PANK4: variants seen among roughly 807,000 people sequenced by gnomAD.
PANK4 encodes pantothenate kinase 4 (inactive).
A neutral mutation model predicts 87.9 loss-of-function variants in PANK4; 40 were observed. The ratio of observed to expected loss-of-function variants is 0.46; its 90% CI spans 0.35 to 0.59. The LOEUF (loss-of-function observed/expected upper bound fraction) is 0.59, where lower values mean the gene tolerates loss of function less well. PANK4 is among the 20% of genes least tolerant of loss of function. PANK4 has a pLI of 0.00. For missense variants in PANK4, 926 were observed against 1,072.3 expected, an observed-to-expected ratio of 0.86 and a Z score of 1.90; for synonymous variants, 524 against 467.4, an observed-to-expected ratio of 1.12 and a Z score of -1.56.
Position 2,515,843 on chromosome 1 carries a change from G to C in PANK4, c.1219-126C>G. 1.0e-6 allele frequency: 1 copy of C among 979,374 alleles called. No individual in the cohort carries two copies. The highest frequency in any genetic ancestry group is 1.5e-6 in the Non-Finnish European group (1 of 659,934). 60.7% of individuals were successfully genotyped at this position (979,374 alleles called of 1,614,324 possible). ...CTGCCTTCTTCCGCCACGTCTCTGGGCCACAGACGAGACCCCCACTGGGCC... is the reference window on the plus strand; with the variant it reads ...CTGCCTTCTTCCGCCACGTCTCTGGCCCACAGACGAGACCCCCACTGGGCC... On this transcript the variant is annotated intron_variant, in intron 9 of 18. Coordinates refer to ENST00000378466, the MANE Select transcript of PANK4 (RefSeq NM_018216.4). The surrounding 1 kb of genome is among the most constrained non-coding windows in gnomAD (Gnocchi z 5.0).
At position 2,509,112 on chromosome 1, in the gene PANK4, C is replaced by T; in HGVS notation, c.2109-52G>A. 1 of 1,425,420 alleles carries T rather than the reference C, an allele frequency of 7.0e-7. No homozygotes were observed. The highest frequency in any genetic ancestry group is 9.6e-7 in the Non-Finnish European group (1 of 1,041,244). 88.3% of individuals were successfully genotyped at this position (1,425,420 alleles called of 1,614,324 possible). A position where few individuals can be genotyped will look rare whatever the true frequency, so the allele number is the denominator to read the frequency against. ...CTGGGCAAGCAGACCCCAGACCCCA[C>T]TTCCCATACAGTGCGGCGACCAACG... On this transcript the variant is annotated intron_variant, in intron 18 of 18. Coordinates refer to ENST00000378466, the MANE Select transcript of PANK4 (RefSeq NM_018216.4). This position sits in a 1 kb window ranked among gnomAD's most constrained non-coding sequence, Gnocchi z 4.9.
At chr1:2,521,529 G>A (rs1279137194) in intron 2 of PANK4, 189 bp downstream of exon 2, 12 of 698,082 alleles carry the variant, frequency 1.7e-5, no homozygotes, top group South Asian at 3.2e-5. Context: ...GAGCACAGGC[G>A]GGCGCAGGTT....
At position 2,509,867 on chromosome 1, in the gene PANK4, G is replaced by A. The variant is rs1294338112; in HGVS notation, c.2103C>T (p.Asp701=). Residue 701 remains aspartate, a synonymous_variant, in exon 18 of 19, where the codon GAC becomes GAT. Coordinates refer to ENST00000378466, the MANE Select transcript of PANK4 (RefSeq NM_018216.4). The surrounding 1 kb of genome is among the most constrained non-coding windows in gnomAD (Gnocchi z 4.9). ...VQTGSSSPCL[D]LSRLDKGLAA... is the part of the protein sequence containing the mutation. ...GGTGCAGGGTGCGGGGTTACCTGAGGTCGAGGCACGGGGAGCTGGAGCCCG... is the reference window on the plus strand; with the variant it reads ...GGTGCAGGGTGCGGGGTTACCTGAGATCGAGGCACGGGGAGCTGGAGCCCG... 4 of 1,611,446 alleles carry A rather than the reference G, an allele frequency of 2.5e-6. No individual in the cohort carries two copies. Among genetic ancestry groups the A allele is most frequent in the African/African-American group, 2.7e-5 (2 of 74,880 alleles).
Position 2,510,871 on chromosome 1 carries a change from A to G in PANK4, c.1834-89T>C, listed in dbSNP as rs1643648729. 1 of 803,742 alleles carries G rather than the reference A, an allele frequency of 1.2e-6. No homozygotes were observed. Among genetic ancestry groups the G allele is most frequent in the African/African-American group, 1.7e-5 (1 of 59,494 alleles). 49.8% of individuals were successfully genotyped at this position (803,742 alleles called of 1,614,324 possible). A position where few individuals can be genotyped will look rare whatever the true frequency, so the allele number is the denominator to read the frequency against. On this transcript the variant is annotated intron_variant, in intron 15 of 18. Transcript: ENST00000378466. The surrounding 1 kb of genome is among the most constrained non-coding windows in gnomAD (Gnocchi z 4.9). ...CCTGCTGCCCGTCACGCTGCCCTGC[A>G]GGGGCCGAGACTGGGGGCTTCAGGG...
At chr1:2,516,372 C>A (rs1358784096) in intron 9 of PANK4, among the ~76,000 whole-genome samples, 2 of 152,246 alleles carry the variant, frequency 1.3e-5, no homozygotes, top group Non-Finnish European at 2.9e-5. Flanking sequence ...GCACCCAGCA[C>A]AGGCGCGCTC....
Position 2,520,921 on chromosome 1 carries a change from C to T in PANK4, c.423-15G>A, listed in dbSNP as rs746050333. 6.5e-7 allele frequency: 1 copy of T among 1,542,690 alleles called. No individual in the cohort carries two copies. Among genetic ancestry groups the T allele is most frequent in the Admixed American group, 2.0e-5 (1 of 50,250 alleles). Reference sequence around the variant, plus strand: ...CCTTGTCGACTCTGAAAAGGAAGCGCCAACCCCTTAAAGAGTCTGGGCCAC... The same window carrying T: ...CCTTGTCGACTCTGAAAAGGAAGCGTCAACCCCTTAAAGAGTCTGGGCCAC... On this transcript the variant is annotated splice_polypyrimidine_tract_variant and intron_variant, in intron 3 of 18. Coordinates refer to ENST00000378466, the MANE Select transcript of PANK4 (RefSeq NM_018216.4). The surrounding 1 kb of genome is among the most constrained non-coding windows in gnomAD (Gnocchi z 6.2).
Position 2,521,103 on chromosome 1 carries a change from C to T in PANK4, c.420G>A (p.Leu140=), listed in dbSNP as rs1643871299. 1 of 1,612,120 alleles carries T rather than the reference C, an allele frequency of 6.2e-7. No homozygotes were observed. The highest frequency in any genetic ancestry group is 8.5e-7 in the Non-Finnish European group (1 of 1,178,858). The change falls in exon 3 of 19, where the codon CTG becomes CTA. Residue 140 remains leucine, a splice_region_variant and synonymous_variant. Coordinates refer to ENST00000378466, the MANE Select transcript of PANK4 (RefSeq NM_018216.4). ...TCGCCCTTGAGATCCCCACTCACTT[C>T]AGCCGCAGCTTCTCTTCGATGAGGT... ...FKDLIEEKLR[L]KVDKEDVMTC...
At chr1:2,511,139 G>A (rs984765445) in intron 15 of PANK4, among the ~76,000 whole-genome samples, 199 bp downstream of exon 15, 2 of 152,226 alleles carry the variant, frequency 1.3e-5, no homozygotes, top group African/African-American at 2.4e-5. Flanking sequence ...TGTGCCTAGA[G>A]CAGGTGACCT....
chr1:2,514,599 T>TGCCCCGGGCAGGGTGGGGGCGGCG, intron 10 of PANK4, 133 bp from the exon 11 acceptor site: 1 of 282,476 alleles, frequency 3.5e-6, no homozygotes, highest in African/African-American at 9.9e-5. Flanking sequence ...TGGGGGCGGC[T>TGCCCCGGGCAGGGTGGGGGCGGCG]GTAGGAGGCC....
intron 9 of PANK4, among the ~76,000 whole-genome samples, chr1:2,517,578 C>T (rs867239365): frequency 6.6e-6 from 1 of 152,218 alleles, no homozygotes; most frequent in Non-Finnish European, 1.5e-5. Flanking sequence ...CCGTGGCTGA[C>T]GCAGGTCCTG....
Position 2,515,535 on chromosome 1 carries a change from C to G in PANK4, c.1374+27G>C. 1.2e-6 allele frequency: 2 copies of G among 1,610,272 alleles called. No individual in the cohort carries two copies. Among genetic ancestry groups the G allele is most frequent in the Non-Finnish European group, 1.7e-6 (2 of 1,178,170 alleles). ...GTTAACCCGGCTGCGGCCTTGGAAT[C>G]GTCTAGACGGCACCCGGAGCCCTCA... On this transcript the variant is annotated intron_variant, in intron 10 of 18. Transcript: ENST00000378466. This position sits in a 1 kb window ranked among gnomAD's most constrained non-coding sequence, Gnocchi z 5.0.
chr1:2,516,880 A>C (rs1042703983), intron 9 of PANK4, among the ~76,000 whole-genome samples: 1 of 152,232 alleles, frequency 6.6e-6, no homozygotes, highest in Admixed American at 6.5e-5. Flanking sequence ...TTTTTGGACA[A>C]TATAAACTGA....
Position 2,521,343 on chromosome 1 carries a change from T to G in PANK4, c.208-28A>C. On this transcript the variant is annotated intron_variant, in intron 2 of 18. Coordinates refer to ENST00000378466, the MANE Select transcript of PANK4 (RefSeq NM_018216.4). ...GGAAAACAGAGTAGGGGAGGCCGCA[T>G]GTGTGTGGGACACCGCGCCGGGCTG... The G allele has an allele frequency of 2.6e-6, 4 of 1,560,712 alleles. No homozygotes were observed. The South Asian group carries it at 4.4e-5, about 17-fold the overall frequency.
intron 14 of PANK4, 64 bp downstream of exon 14, chr1:2,511,564 G>A (rs1469581945): frequency 2.4e-6 from 3 of 1,233,886 alleles, no homozygotes; most frequent in East Asian, 4.6e-5. Flanking sequence ...ATTCGCTGTT[G>A]CAGAGAACGT....
In PANK4 at chr1:2,519,193, G is replaced by C; in HGVS notation, c.985C>G (p.His329Asp). 1 of 1,612,770 alleles carries C rather than the reference G, an allele frequency of 6.2e-7. No homozygotes were observed. Among genetic ancestry groups the C allele is most frequent in the South Asian group, 1.1e-5 (1 of 91,082 alleles). ...VYFGGFFIRG[H>D]PVTMRTITYS... ...GTGATGGTGCGCATGGTCACGGGGT[G>C]GCCCCGGATAAAGAAGCCTCCAAAG... The change falls in exon 7 of 19, where the codon CAC becomes GAC. Residue 329 changes from histidine (H) to aspartate (D), a missense_variant. Coordinates refer to ENST00000378466, the MANE Select transcript of PANK4 (RefSeq NM_018216.4). This position sits in a 1 kb window ranked among gnomAD's most constrained non-coding sequence, Gnocchi z 8.3.
rs370849301 is a variant in PANK4 at position 2,521,077 on chromosome 1, C to T, written c.422+24G>A. On this transcript the variant is annotated intron_variant, in intron 3 of 18. Transcript: ENST00000378466. Reference sequence around the variant, plus strand: ...CTCGGGGGCAGACACATGTTCCTTTCTCGCCCTTGAGATCCCCACTCACTT... The same window carrying T: ...CTCGGGGGCAGACACATGTTCCTTTTTCGCCCTTGAGATCCCCACTCACTT... 68 of 1,596,498 alleles carry T rather than the reference C, an allele frequency of 4.3e-5. 2 individuals carry two copies. The Middle Eastern group carries it at 2.2e-3, about 51-fold the overall frequency.
chr1:2,513,088 C>G, intron 12 of PANK4, 49 bp from the exon 13 acceptor site: 1 of 1,536,910 alleles, frequency 6.5e-7, no homozygotes, highest in South Asian at 1.2e-5. Context: ...TGGCCTCAGC[C>G]CACCCTGGAC....
In PANK4 at chr1:2,519,709, G is replaced by A. The variant is rs1051136838; in HGVS notation, c.853+92C>T. 4 of 1,320,574 alleles carry A rather than the reference G, an allele frequency of 3.0e-6. No individual in the cohort carries two copies. The African/African-American group carries it at 4.4e-5, about 15-fold the overall frequency. 81.8% of individuals were successfully genotyped at this position (1,320,574 alleles called of 1,614,324 possible). A position where few individuals can be genotyped will look rare whatever the true frequency, so the allele number is the denominator to read the frequency against. ...GACCCCGACTCTCCAGGGAGCAGTT[G>A]TGGGAAAGCAATGGTGGGGGAAGCT... On this transcript the variant is annotated intron_variant, in intron 6 of 18. Transcript: ENST00000378466. The surrounding 1 kb of genome is among the most constrained non-coding windows in gnomAD (Gnocchi z 8.3).
chr1:2,511,669 T>A lies in PANK4; in HGVS notation c.1742A>T (p.Asp581Val). ...TGCTTCTTCAAACCCAAAGTAGGGGTCGGATTCAAGGACACTGCATGGAGG... is the reference window on the plus strand; with the variant it reads ...TGCTTCTTCAAACCCAAAGTAGGGGACGGATTCAAGGACACTGCATGGAGG... ...AKAVSAVLES[D>V]PYFGFEEAKR... is the part of the protein sequence containing the mutation. Residue 581 changes from aspartate to valine, a missense_variant, in exon 14 of 19, where the codon GAC becomes GTC. Asp to Val is a radical substitution (Grantham distance 152, BLOSUM62 -3). Coordinates refer to ENST00000378466, the MANE Select transcript of PANK4 (RefSeq NM_018216.4). 1 of 1,608,916 alleles carries A rather than the reference T, an allele frequency of 6.2e-7. No homozygotes were observed. Among genetic ancestry groups the A allele is most frequent in the Non-Finnish European group, 8.5e-7 (1 of 1,175,678 alleles).
Sources: allele counts gnomAD v4.1 joint callset (sites outside exome capture counted in the v4.1 genomes callset), GRCh38; gene constraint gnomAD v4.1.1; non-coding constraint Gnocchi (gnomAD v3.1); transcripts MANE v1.5; gene names NCBI Gene and HGNC (gene_info 2026-07-23, HGNC 2026-07-21).